The following PCCA variants were observed in gnomAD, a reference collection of about 807,000 sequenced individuals.
PCCA encodes the protein propionyl-CoA carboxylase alpha chain, mitochondrial.
In PCCA, 74 loss-of-function variants were observed where a neutral mutation model predicts 101.3. That is an observed-to-expected ratio of 0.73 (90% confidence interval 0.61 to 0.89). The LOEUF (loss-of-function observed/expected upper bound fraction) is 0.89. PCCA is among the 40% of genes least tolerant of loss of function. PCCA has a pLI of 0.00. For missense variants in PCCA, 891 were observed against 907.0 expected (o/e 0.98, Z 0.23); for synonymous variants, 294 against 313.6 (o/e 0.94, Z 0.66).
At chr13:100,229,478 A>G (rs185886441) in intron 7 of PCCA, among the ~76,000 whole-genome samples, 237 of 152,362 alleles carry the variant, frequency 1.6e-3, no homozygotes, top group African/African-American at 5.5e-3. Context: ...CCCACAATTT[A>G]GCCTAAATAT....
Position 100,486,460 on chromosome 13 carries a change from G to A in PCCA, c.1900-28967G>A, listed in dbSNP as rs558745865. Among the ~76,000 whole-genome samples, 13 of 152,348 alleles carry A rather than the reference G, an allele frequency of 8.5e-5. No individual in the cohort carries two copies. In the South Asian group the frequency reaches 1.0e-3, roughly 12 times the overall value. ...GTCCATCAATAGGAGTTTAGTTAAA[G>A]AAGTTTTGTTGTTCCATATGGCAGA... On this transcript the variant is annotated intron_variant, in intron 21 of 23. Transcript: ENST00000376285.
At position 100,380,627 on chromosome 13, in the gene PCCA, C is replaced by T. The variant is rs139253788; in HGVS notation, c.1746+12053C>T. Among the ~76,000 whole-genome samples, 192 of 152,268 alleles carry T rather than the reference C, an allele frequency of 1.3e-3. 1 individual carries two copies. The highest frequency in any genetic ancestry group is 4.4e-3 in the African/African-American group (182 of 41,550). On this transcript the variant is annotated intron_variant, in intron 19 of 23. Transcript: ENST00000376285. ...CAAATGGTGTCGAAACACCTGGGTTCACATGTAAAGGAATGAAGTAGAAAC... is the reference window on the plus strand; with the variant it reads ...CAAATGGTGTCGAAACACCTGGGTTTACATGTAAAGGAATGAAGTAGAAAC...
In PCCA at chr13:100,299,716, A is replaced by G. The variant is rs558956584; in HGVS notation, c.1066-1744A>G. On this transcript the variant is annotated intron_variant, in intron 12 of 23. Coordinates refer to ENST00000376285, the MANE Select transcript of PCCA (RefSeq NM_000282.4). ...AAAGCACTTGGCACGTGGTAGGTTC[A>G]CCTCTTTTTTTTTTCCTGAGATGGA... Among the ~76,000 whole-genome samples, 69 of 150,590 alleles carry G rather than the reference A, an allele frequency of 4.6e-4. 1 individual carries two copies. Among genetic ancestry groups the G allele is most frequent in the Admixed American group, 3.7e-3 (56 of 15,130 alleles).
At chr13:100,334,724 G>T (rs756601446) in intron 17 of PCCA, among the ~76,000 whole-genome samples, 3 of 152,152 alleles carry the variant, frequency 2.0e-5, no homozygotes, top group East Asian at 1.9e-4. Context: ...CTCAAAATAT[G>T]CAGCAAAAAG....
At chr13:100,158,274 T>C (rs938296042) in intron 6 of PCCA, among the ~76,000 whole-genome samples, 19 of 152,252 alleles carry the variant, frequency 1.2e-4, no homozygotes, top group African/African-American at 4.6e-4. Context: ...TGGTGCCTCA[T>C]TGAAATATTC....
At chr13:100,340,702 G>C (rs1391215701) in intron 18 of PCCA, among the ~76,000 whole-genome samples, 2 of 152,214 alleles carry the variant, frequency 1.3e-5, no homozygotes, top group African/African-American at 4.8e-5. Context: ...TGAGACACAA[G>C]TGTGCCTTTT....
chr13:100,375,208 T>C (rs146483353), intron 19 of PCCA, among the ~76,000 whole-genome samples: 2 of 152,288 alleles, frequency 1.3e-5, no homozygotes, highest in African/African-American at 2.4e-5. Context: ...GAGTTCTAAT[T>C]TGATTGCATT....
Position 100,381,937 on chromosome 13 carries a change from C to A in PCCA, c.1746+13363C>A, listed in dbSNP as rs372735400. Among the ~76,000 whole-genome samples, 32 of 152,358 alleles carry A rather than the reference C, an allele frequency of 2.1e-4. No individual in the cohort carries two copies. The East Asian group carries it at 5.6e-3, about 27-fold the overall frequency. ...AGCGAACTCTGTGCAGGCCCCATGG[C>A]AGCATCCAGGAGGGGTGCCTGTGAC... On this transcript the variant is annotated intron_variant, in intron 19 of 23. Transcript: ENST00000376285.
chr13:100,505,423 A>G (rs1377389150), intron 21 of PCCA, among the ~76,000 whole-genome samples: 1 of 152,216 alleles, frequency 6.6e-6, no homozygotes, highest in Non-Finnish European at 1.5e-5. Context: ...TGAACACGGA[A>G]TCAACTTCCT....
chr13:100,256,337 A>G (rs1292864433), intron 8 of PCCA, among the ~76,000 whole-genome samples: 3 of 152,038 alleles, frequency 2.0e-5, no homozygotes, highest in Non-Finnish European at 4.4e-5. Context: ...ACTTTTCTTA[A>G]TTATTTTTCT....
intron 18 of PCCA, among the ~76,000 whole-genome samples, chr13:100,351,676 C>A (rs1375872999): frequency 1.3e-5 from 2 of 152,160 alleles, no homozygotes; most frequent in African/African-American, 4.8e-5. Context: ...GCTTTAATAT[C>A]TCTTCATCAG....
At chr13:100,475,814 C>CT (rs1156795154) in intron 21 of PCCA, among the ~76,000 whole-genome samples, 1 of 152,082 alleles carries the variant, frequency 6.6e-6, no homozygotes, top group Non-Finnish European at 1.5e-5. Context: ...TCGTTATTGT[C>CT]TTTTTTATTA....
chr13:100,458,142 A>G (rs1391817698), intron 21 of PCCA, among the ~76,000 whole-genome samples: 1 of 152,102 alleles, frequency 6.6e-6, no homozygotes, highest in Non-Finnish European at 1.5e-5. Context: ...TTTCAATCCA[A>G]GCATAAGGTC....
At chr13:100,511,769 G>A (rs554832909) in intron 21 of PCCA, among the ~76,000 whole-genome samples, 4 of 152,298 alleles carry the variant, frequency 2.6e-5, no homozygotes, top group African/African-American at 4.8e-5. Flanking sequence ...GGGAGCAGCC[G>A]CAGACCTCGG....
intron 19 of PCCA, among the ~76,000 whole-genome samples, chr13:100,388,196 C>T (rs2076615235): frequency 1.3e-5 from 2 of 152,198 alleles, no homozygotes; most frequent in Admixed American, 6.5e-5. Flanking sequence ...TGGCTGGGTA[C>T]AGTGGCTCAC....
At chr13:100,486,029 A>T (rs2084348481) in intron 21 of PCCA, among the ~76,000 whole-genome samples, 1 of 152,160 alleles carries the variant, frequency 6.6e-6, no homozygotes, top group East Asian at 1.9e-4. Context: ...TGGGGCTTTC[A>T]TTCCCACTAC....
intron 4 of PCCA, among the ~76,000 whole-genome samples, chr13:100,133,853 G>A (rs1392780956): frequency 5.3e-5 from 8 of 152,196 alleles, no homozygotes; most frequent in Admixed American, 5.2e-4. Flanking sequence ...GGAAGGACTT[G>A]ACTTGCTGAG....
chr13:100,507,536 A>G (rs1453577739), intron 21 of PCCA, among the ~76,000 whole-genome samples: 2 of 152,222 alleles, frequency 1.3e-5, no homozygotes, highest in East Asian at 3.8e-4. Flanking sequence ...CCGCCACATC[A>G]GTTTTAGGCC....
chr13:100,411,117 A>G (rs2078024860), intron 19 of PCCA, among the ~76,000 whole-genome samples: 1 of 152,154 alleles, frequency 6.6e-6, no homozygotes, highest in African/African-American at 2.4e-5. Flanking sequence ...TAGACACAGA[A>G]ACAGATTTAG....
Sources: gnomAD v4.1 joint callset for allele counts (sites outside exome capture counted in the v4.1 genomes callset) on GRCh38, gnomAD v4.1.1 for gene constraint, MANE v1.5 for transcripts, NCBI Gene and HGNC (gene_info 2026-07-23, HGNC 2026-07-21) for gene names.